Variants in MYO5B observed in about 807,000 individuals in gnomAD.
The protein encoded by MYO5B is unconventional myosin-Vb.
A neutral mutation model predicts 229.3 loss-of-function variants in MYO5B; 143 were observed. The observed-to-expected ratio is 0.62, with a 90% CI of 0.54 to 0.72. The LOEUF (loss-of-function observed/expected upper bound fraction) is 0.72, where lower values mean the gene tolerates loss of function less well. Ranked by LOEUF, MYO5B falls within the 30% of genes least tolerant of loss-of-function variation. The probability of loss-of-function intolerance (pLI) is 0.00; values close to 1 mark genes in which losing one functional copy is unlikely to be tolerated. For missense variants in MYO5B, 2,321 were observed against 2,331.0 expected (o/e 1.00, Z 0.09); for synonymous variants, 918 against 885.2 (o/e 1.04, Z -0.66).
At position 49,889,002 on chromosome 18, in the gene MYO5B, A is replaced by G. The variant is rs571009602; in HGVS notation, c.3045+5939T>C. On this transcript the variant is annotated intron_variant, in intron 22 of 39. Coordinates refer to ENST00000285039, the MANE Select transcript of MYO5B (RefSeq NM_001080467.3). ...TCCTCAACGTGGACCTAGGGATTAT[A>G]TCGCCAGACTATCACACCCTCAGAA... is the stretch of plus-strand genomic sequence containing the variant. Among the ~76,000 whole-genome samples, 29 of 152,316 alleles carry G rather than the reference A, an allele frequency of 1.9e-4. No individual in the cohort carries two copies. In the East Asian group the frequency reaches 3.9e-3, roughly 20 times the overall value.
chr18:49,980,302 T>C, intron 9 of MYO5B, 142 bp downstream of exon 9: 1 of 741,298 alleles, frequency 1.3e-6, no homozygotes, highest in South Asian at 1.5e-5. Context: ...TTTTAAAAAA[T>C]TATCAGCAAG....
intron 18 of MYO5B, among the ~76,000 whole-genome samples, chr18:49,911,079 G>T (rs1263988006): frequency 6.6e-6 from 1 of 152,198 alleles, no homozygotes; most frequent in Non-Finnish European, 1.5e-5. Context: ...ACAAGTATCT[G>T]GGGGAGGGCC....
intron 1 of MYO5B, among the ~76,000 whole-genome samples, chr18:50,172,422 T>G (rs77045048): frequency 8.0e-4 from 122 of 152,236 alleles, no homozygotes; most frequent in African/African-American, 2.8e-3. Flanking sequence ...GAGAATCGGA[T>G]TCCCAGTGTA....
intron 1 of MYO5B, among the ~76,000 whole-genome samples, chr18:50,083,873 G>C (rs1216497525): frequency 6.6e-6 from 1 of 152,118 alleles, no homozygotes; most frequent in African/African-American, 2.4e-5. Flanking sequence ...CCACCCCAAG[G>C]AAGGTTTGCA....
At chr18:49,974,287 G>A (rs2025720575) in intron 10 of MYO5B, 63 bp downstream of exon 10, 10 of 1,609,340 alleles carry the variant, frequency 6.2e-6, no homozygotes, top group Non-Finnish European at 7.7e-6. Context: ...CCTGCTGGCT[G>A]TAAAGTATGA....
chr18:50,029,834 C>T lies in MYO5B; in HGVS notation c.455+7016G>A, dbSNP rs112646181. ...GAGAGAAGAGGTTACTGGGGGCAGACCCTTGCATACTCCTGCATAGCATAC... is the reference window on the plus strand; with the variant it reads ...GAGAGAAGAGGTTACTGGGGGCAGATCCTTGCATACTCCTGCATAGCATAC... On this transcript the variant is annotated intron_variant, in intron 4 of 39. Transcript: ENST00000285039. Among the ~76,000 whole-genome samples, 379 of 152,280 alleles carry T rather than the reference C, an allele frequency of 2.5e-3. 1 individual carries two copies. The highest frequency in any genetic ancestry group is 4.2e-3 in the Non-Finnish European group (285 of 68,022).
At chr18:50,028,596 T>C (rs568065944) in intron 4 of MYO5B, among the ~76,000 whole-genome samples, 1 of 152,326 alleles carries the variant, frequency 6.6e-6, no homozygotes, top group East Asian at 1.9e-4. Flanking sequence ...CTCAGATCCA[T>C]GCCTGAAGGC....
chr18:50,001,407 C>T lies in MYO5B; in HGVS notation c.460G>A (p.Glu154Lys). 2 of 1,614,146 alleles carry T rather than the reference C, an allele frequency of 1.2e-6. No homozygotes were observed. The highest frequency in any genetic ancestry group is 1.7e-6 in the Non-Finnish European group (2 of 1,179,982). Residue 154 changes from glutamate (E) to lysine (K), a missense_variant, in exon 5 of 40, where the codon GAG becomes AAG. Transcript: ENST00000285039. ...CTGACTATGATGGACTGATTCTTCT[C>T]ATCTCTGGAAGGAAAAAAGCTCTGA... The part of the protein sequence containing the change: ...EEAYKQMARD[E>K]KNQSIIVSGE...
chr18:50,098,255 A>C (rs1199206098), intron 1 of MYO5B, among the ~76,000 whole-genome samples: 1 of 151,922 alleles, frequency 6.6e-6, no homozygotes, highest in Non-Finnish European at 1.5e-5. Context: ...ACACTATGTT[A>C]CTTAAAATCA....
intron 17 of MYO5B, among the ~76,000 whole-genome samples, chr18:49,925,972 T>A (rs1470815992): frequency 6.6e-6 from 1 of 152,234 alleles, no homozygotes; most frequent in African/African-American, 2.4e-5. Flanking sequence ...GGCCTTCATC[T>A]GAGGTGACAA....
intron 1 of MYO5B, among the ~76,000 whole-genome samples, chr18:50,092,508 A>T (rs934571162): frequency 1.3e-5 from 2 of 152,166 alleles, no homozygotes; most frequent in African/African-American, 2.4e-5. Flanking sequence ...TTTGGTTAAC[A>T]ATCAGTTTTT....
At chr18:49,883,550 T>A (rs1362851974) in intron 22 of MYO5B, among the ~76,000 whole-genome samples, 1 of 152,210 alleles carries the variant, frequency 6.6e-6, no homozygotes, top group Non-Finnish European at 1.5e-5. Context: ...ATGGCAACAC[T>A]CCTCAAATTC....
intron 30 of MYO5B, among the ~76,000 whole-genome samples, chr18:49,855,869 C>G (rs950896459): frequency 2.6e-5 from 4 of 152,246 alleles, no homozygotes; most frequent in African/African-American, 7.2e-5. Context: ...ATGAGGGCTT[C>G]TGGCTCCTGC....
chr18:49,826,650 A>T (rs774511645), intron 39 of MYO5B, 27 bp from the exon 40 acceptor site: 1 of 1,611,890 alleles, frequency 6.2e-7, no homozygotes, highest in South Asian at 1.1e-5. Flanking sequence ...GACCATGTAA[A>T]GTTTGAGTAC....
At chr18:50,111,637 T>C (rs1363705095) in intron 1 of MYO5B, among the ~76,000 whole-genome samples, 1 of 152,260 alleles carries the variant, frequency 6.6e-6, no homozygotes, top group African/African-American at 2.4e-5. Flanking sequence ...TTGTTGCTTT[T>C]ATTGCTGTAT....
At chr18:50,082,433 G>A (rs114137581) in intron 1 of MYO5B, among the ~76,000 whole-genome samples, 1,966 of 152,288 alleles carry the variant, frequency 0.013, 35 homozygotes, top group African/African-American at 0.045. Context: ...AAATTTAGAA[G>A]GATATTCCAT....
chr18:49,979,944 G>A (rs984240173), intron 9 of MYO5B, among the ~76,000 whole-genome samples: 1 of 152,172 alleles, frequency 6.6e-6, no homozygotes, highest in Non-Finnish European at 1.5e-5. Context: ...AGCCTTCACG[G>A]AGCACTTGAC....
intron 35 of MYO5B, among the ~76,000 whole-genome samples, chr18:49,841,107 G>A (rs2024051207): frequency 1.3e-5 from 2 of 152,134 alleles, no homozygotes; most frequent in Admixed American, 6.5e-5. Flanking sequence ...ATTGATCATG[G>A]GTTATGCAGA....
chr18:50,194,215 T>C (rs2033267270), intron 1 of MYO5B, among the ~76,000 whole-genome samples: 1 of 152,086 alleles, frequency 6.6e-6, no homozygotes, highest in Admixed American at 6.5e-5. Flanking sequence ...CCAGGTTGTC[T>C]CCTCCCTCTC....
Sources: gnomAD v4.1 joint callset for allele counts (sites outside exome capture counted in the v4.1 genomes callset) on GRCh38, gnomAD v4.1.1 for gene constraint, MANE v1.5 for transcripts, NCBI Gene and HGNC (gene_info 2026-07-23, HGNC 2026-07-21) for gene names.